Variants in CTNND2 observed in about 807,000 individuals in gnomAD.
CTNND2 encodes the protein catenin delta-2.
A neutral mutation model predicts 144.4 loss-of-function variants in CTNND2; 22 were observed. The observed-to-expected ratio is 0.15, with a 90% CI of 0.11 to 0.22. The LOEUF (loss-of-function observed/expected upper bound fraction) is 0.22, where lower values mean the gene tolerates loss of function less well. Among genes scored for constraint, CTNND2 ranks in the 10% least tolerant of loss-of-function variants. The pLI is 1.00. For missense variants in CTNND2, 1,353 were observed against 1,618.8 expected (o/e 0.84, Z 2.82); for synonymous variants, 751 against 695.6 (o/e 1.08, Z -1.25).
intron 10 of CTNND2, among the ~76,000 whole-genome samples, chr5:11,228,209 G>T (rs1467843535): frequency 6.6e-6 from 1 of 151,718 alleles, no homozygotes; most frequent in East Asian, 2.0e-4. Flanking sequence ...GCCAGGCGTG[G>T]TGGTGAATGC....
chr5:11,001,626 T>C (rs1028438176), intron 18 of CTNND2, among the ~76,000 whole-genome samples: 2 of 152,334 alleles, frequency 1.3e-5, no homozygotes, highest in South Asian at 4.1e-4. Context: ...ATAAATACAT[T>C]CAGAGCCTTA....
chr5:11,159,517 GAGAC>G, intron 12 of CTNND2, 55 bp downstream of exon 12: 3 of 1,390,214 alleles, frequency 2.2e-6, no homozygotes. Flanking sequence ...GTTATGGAAA[GAGAC>G]AGTGTCTGGC....
intron 3 of CTNND2, among the ~76,000 whole-genome samples, chr5:11,491,334 A>G (rs929365371): frequency 1.4e-4 from 22 of 152,220 alleles, no homozygotes; most frequent in Non-Finnish European, 1.9e-4. Context: ...AAACAGTTCA[A>G]TAGTGCTTCC....
intron 3 of CTNND2, among the ~76,000 whole-genome samples, chr5:11,543,049 G>A (rs1269599871): frequency 6.6e-6 from 1 of 152,206 alleles, no homozygotes; most frequent in Non-Finnish European, 1.5e-5. Flanking sequence ...CAACAAACGA[G>A]AGTACTGCAG....
chr5:11,369,116 T>C, intron 7 of CTNND2, among the ~76,000 whole-genome samples: 1 of 152,250 alleles, frequency 6.6e-6, no homozygotes, highest in East Asian at 1.9e-4. Flanking sequence ...TTCTGTGAAG[T>C]ATTATTGCAA....
intron 1 of CTNND2, among the ~76,000 whole-genome samples, chr5:11,814,007 A>G (rs985660913): frequency 6.6e-6 from 1 of 152,232 alleles, no homozygotes; most frequent in African/African-American, 2.4e-5. Context: ...TACTAATAGA[A>G]TGAGGCTATT....
intron 1 of CTNND2, among the ~76,000 whole-genome samples, chr5:11,753,549 G>A (rs1270522632): frequency 3.3e-5 from 5 of 151,694 alleles, no homozygotes; most frequent in East Asian, 1.9e-4. Flanking sequence ...TACCTTGTTC[G>A]TGTGCTGCTG....
At chr5:11,779,022 C>T (rs1790403809) in intron 1 of CTNND2, among the ~76,000 whole-genome samples, 1 of 152,286 alleles carries the variant, frequency 6.6e-6, no homozygotes, top group South Asian at 2.1e-4. Flanking sequence ...AAAATTAGAA[C>T]ATATTTCCAA....
intron 12 of CTNND2, among the ~76,000 whole-genome samples, chr5:11,129,225 AATATATAT>A (rs1456510541): frequency 0.14 from 3,142 of 21,818 alleles, 254 homozygotes; most frequent in Non-Finnish European, 0.22. Context: ...ATTATATATA[AATATATAT>A]TATATATTAT....
At chr5:11,297,814 AG>A (rs1218726115) in intron 9 of CTNND2, among the ~76,000 whole-genome samples, 1 of 152,198 alleles carries the variant, frequency 6.6e-6, no homozygotes, top group Non-Finnish European at 1.5e-5. Context: ...ATTTTATCCT[AG>A]GATGCAAAAA....
intron 17 of CTNND2, among the ~76,000 whole-genome samples, chr5:11,019,874 C>A (rs535381296): frequency 1.4e-4 from 22 of 152,198 alleles, no homozygotes; most frequent in African/African-American, 3.1e-4. Context: ...GGAAAAAAAA[C>A]CAAATGTATT....
At chr5:11,902,723 T>C (rs1738007354) in intron 1 of CTNND2, among the ~76,000 whole-genome samples, 1 of 152,104 alleles carries the variant, frequency 6.6e-6, no homozygotes, top group African/African-American at 2.4e-5. Context: ...AAAATACATC[T>C]TAATAACACC....
At chr5:11,390,658 T>C (rs571299886) in intron 6 of CTNND2, among the ~76,000 whole-genome samples, 1 of 152,326 alleles carries the variant, frequency 6.6e-6, no homozygotes, top group Admixed American at 6.5e-5. Flanking sequence ...AGTCCCCCAG[T>C]TCTGGGACAG....
At chr5:11,595,700 T>G (rs1779469424) in intron 2 of CTNND2, among the ~76,000 whole-genome samples, 1 of 152,192 alleles carries the variant, frequency 6.6e-6, no homozygotes, top group African/African-American at 2.4e-5. Flanking sequence ...TTGGCATACC[T>G]GATGTTGTAA....
rs1752911746 is a variant in CTNND2, at chr5:11,110,997, A to G, written c.2324T>C (p.Leu775Pro). 6.2e-7 allele frequency: 1 copy of G among 1,614,016 alleles called. No homozygotes were observed. Reference sequence around the variant, plus strand: ...CTGTCCCTGAGACGTTTCTGCCGCCAGCCGGTACGAGAGGTTCCTTAAAAT... The same window carrying G: ...CTGTCCCTGAGACGTTTCTGCCGCCGGCCGGTACGAGAGGTTCCTTAAAAT... Reference protein sequence around the residue: ...VCILRNLSYRLAAETSQGQHM... With the variant: ...VCILRNLSYRPAAETSQGQHM... The change falls in exon 14 of 22, where the codon CTG (leucine) becomes CCG (proline). Residue 775 changes from leucine to proline, a missense_variant. Physicochemically the swap from Leu to Pro is moderately conservative, Grantham distance 98. Coordinates refer to ENST00000304623, the MANE Select transcript of CTNND2 (RefSeq NM_001332.4).
chr5:11,849,149 A>G (rs1794894426), intron 1 of CTNND2, among the ~76,000 whole-genome samples: 1 of 152,150 alleles, frequency 6.6e-6, no homozygotes, highest in Non-Finnish European at 1.5e-5. Context: ...ATGGCAGATG[A>G]CAAAAGGCAC....
At chr5:11,538,062 T>G (rs1387781287) in intron 3 of CTNND2, among the ~76,000 whole-genome samples, 1 of 152,212 alleles carries the variant, frequency 6.6e-6, no homozygotes, top group East Asian at 1.9e-4. Flanking sequence ...GATTGTCACT[T>G]TGGAGCTGAC....
chr5:11,466,021 A>G (rs1031413924), intron 3 of CTNND2, among the ~76,000 whole-genome samples: 3 of 152,166 alleles, frequency 2.0e-5, no homozygotes, highest in Non-Finnish European at 4.4e-5. Context: ...AAAACTACTT[A>G]TTGAAGAGGT....
At chr5:11,759,205 A>G (rs1789116452) in intron 1 of CTNND2, among the ~76,000 whole-genome samples, 1 of 151,984 alleles carries the variant, frequency 6.6e-6, no homozygotes, top group Non-Finnish European at 1.5e-5. Flanking sequence ...TGTTTTTTTA[A>G]CAAACTTTCC....
Sources: gnomAD v4.1 joint callset for allele counts (sites outside exome capture counted in the v4.1 genomes callset) on GRCh38, gnomAD v4.1.1 for gene constraint, MANE v1.5 for transcripts, NCBI Gene and HGNC (gene_info 2026-07-23, HGNC 2026-07-21) for gene names.